Variants in RGS6 observed in about 807,000 individuals in gnomAD.
RGS6 encodes regulator of G-protein signaling 6.
Under a neutral mutation model 78.5 loss-of-function variants are expected in RGS6, and 30 were observed. That is an observed-to-expected ratio of 0.38 (90% CI 0.29 to 0.52). The LOEUF is 0.52. Ranked by LOEUF, RGS6 falls within the 20% of genes least tolerant of loss-of-function variation. RGS6 has a pLI of 0.85. For missense variants in RGS6, 495 were observed against 609.7 expected, an observed-to-expected ratio of 0.81 and a Z score of 1.98; for synonymous variants, 206 against 206.0, an observed-to-expected ratio of 1.00 and a Z score of 0.00.
At chr14:71,899,502 C>T in the RGS6 span, among the ~76,000 whole-genome samples, 2 of 152,212 alleles carry the variant, frequency 1.3e-5, no homozygotes, top group African/African-American at 4.8e-5. Context: ...GTACGGTACA[C>T]TCAACCCCTC....
intron 12 of RGS6, among the ~76,000 whole-genome samples, chr14:72,482,411 A>G (rs2096399840): frequency 6.6e-6 from 1 of 152,206 alleles, no homozygotes; most frequent in South Asian, 2.1e-4. Flanking sequence ...AATCTGTAGC[A>G]TACCATGTGT....
At chr14:71,947,125 C>A (rs528559004) in intron 1 of RGS6, among the ~76,000 whole-genome samples, 2 of 152,266 alleles carry the variant, frequency 1.3e-5, no homozygotes, top group Middle Eastern at 3.4e-3. Context: ...TTCTTATGCA[C>A]AAGGGCACTC....
chr14:72,095,521 C>G (rs142757674), intron 2 of RGS6, among the ~76,000 whole-genome samples: 567 of 152,316 alleles, frequency 3.7e-3, no homozygotes, highest in Non-Finnish European at 6.8e-3. Context: ...TCGGAACTCC[C>G]CAGTGGACTT....
the RGS6 span, among the ~76,000 whole-genome samples, chr14:72,597,481 C>A: frequency 6.6e-6 from 1 of 152,194 alleles, no homozygotes; most frequent in Non-Finnish European, 1.5e-5. Flanking sequence ...GTTTCTCCTA[C>A]GTGTCCCTGA....
intron 2 of RGS6, among the ~76,000 whole-genome samples, chr14:72,327,701 G>T (rs1010448562): frequency 7.2e-5 from 11 of 152,130 alleles, no homozygotes; most frequent in African/African-American, 2.7e-4. Flanking sequence ...ATTATGTATT[G>T]GCTGTGGACT....
chr14:72,223,120 G>T (rs942044262), intron 2 of RGS6, among the ~76,000 whole-genome samples: 6 of 152,162 alleles, frequency 3.9e-5, no homozygotes, highest in Non-Finnish European at 5.9e-5. Flanking sequence ...ATTTGTTGAT[G>T]AAATTTTCTC....
chr14:72,494,843 A>G (rs147727401), intron 12 of RGS6, among the ~76,000 whole-genome samples: 27 of 152,298 alleles, frequency 1.8e-4, no homozygotes, highest in Non-Finnish European at 3.5e-4. Context: ...TGACCAGTGT[A>G]TTAGTATCAG....
chr14:71,974,145 C>T (rs1595480039), intron 2 of RGS6, among the ~76,000 whole-genome samples: 1 of 151,950 alleles, frequency 6.6e-6, no homozygotes, highest in Admixed American at 6.6e-5. Context: ...AGTATTCTTA[C>T]ACTGTGGAGA....
At chr14:72,098,053 A>G (rs1249268164) in intron 2 of RGS6, among the ~76,000 whole-genome samples, 2 of 152,106 alleles carry the variant, frequency 1.3e-5, no homozygotes, top group African/African-American at 4.8e-5. Context: ...AACAAACTGG[A>G]CCATATAAGC....
chr14:72,021,708 G>A (rs1020945402), intron 2 of RGS6, among the ~76,000 whole-genome samples: 6 of 151,990 alleles, frequency 3.9e-5, no homozygotes, highest in Admixed American at 3.3e-4. Flanking sequence ...CTGACCTCAG[G>A]TGAGCCACCC....
chr14:71,925,648 A>G, the RGS6 span, among the ~76,000 whole-genome samples: 1 of 146,466 alleles, frequency 6.8e-6, no homozygotes, highest in South Asian at 2.1e-4. Flanking sequence ...AGTACCATTT[A>G]TTTAAGAGAC....
chr14:72,303,662 A>G lies in RGS6; in HGVS notation c.85-48433A>G, dbSNP rs551491801. Among the ~76,000 whole-genome samples, 38 of 152,322 alleles carry G rather than the reference A, an allele frequency of 2.5e-4. 1 individual carries two copies. Among genetic ancestry groups the G allele is most frequent in the Non-Finnish European group, 4.7e-4 (32 of 68,024 alleles). Reference sequence around the variant, plus strand: ...TGATACAAAACATTTCACAGCAGAAATGGACTCTTTTTTACCCCATCCTCA... The same window carrying G: ...TGATACAAAACATTTCACAGCAGAAGTGGACTCTTTTTTACCCCATCCTCA... On this transcript the variant is annotated intron_variant, in intron 2 of 17. Coordinates refer to ENST00000553525, the MANE Select transcript of RGS6 (RefSeq NM_001204424.2).
chr14:72,047,905 T>A (rs1017590313), intron 2 of RGS6, among the ~76,000 whole-genome samples: 1 of 147,468 alleles, frequency 6.8e-6, no homozygotes, highest in Non-Finnish European at 1.5e-5. Context: ...TTTGTTTTTT[T>A]TTTTTTTTTT....
the RGS6 span, among the ~76,000 whole-genome samples, chr14:71,879,091 G>A: frequency 3.3e-5 from 5 of 151,912 alleles, no homozygotes; most frequent in South Asian, 2.1e-4. Context: ...TGCTGATCCC[G>A]ATGTTTACAA....
the RGS6 span, among the ~76,000 whole-genome samples, chr14:71,902,780 C>A: frequency 6.6e-6 from 1 of 151,920 alleles, no homozygotes; most frequent in East Asian, 1.9e-4. Context: ...GATCCTTCAC[C>A]GAGACTAAAT....
At chr14:72,433,947 T>C (rs1433823748) in intron 3 of RGS6, among the ~76,000 whole-genome samples, 1 of 152,272 alleles carries the variant, frequency 6.6e-6, no homozygotes, top group Non-Finnish European at 1.5e-5. Flanking sequence ...TGTTTGCTGA[T>C]GTTGTGTTCC....
intron 2 of RGS6, among the ~76,000 whole-genome samples, chr14:72,093,569 A>G (rs1380300405): frequency 6.6e-6 from 1 of 152,138 alleles, no homozygotes; most frequent in Non-Finnish European, 1.5e-5. Flanking sequence ...AAAACAATAT[A>G]AGTATTATAA....
At chr14:71,972,311 A>T (rs2093859846) in intron 2 of RGS6, among the ~76,000 whole-genome samples, 1 of 151,056 alleles carries the variant, frequency 6.6e-6, no homozygotes, top group Non-Finnish European at 1.5e-5. Context: ...TCTACCACAC[A>T]GCTCTACTTC....
chr14:72,626,113 C>T, the RGS6 span, among the ~76,000 whole-genome samples: 3 of 152,026 alleles, frequency 2.0e-5, no homozygotes, highest in Non-Finnish European at 4.4e-5. Flanking sequence ...TTATTTGTTA[C>T]TGTTTTTATT....
Sources: gnomAD v4.1 joint callset for allele counts (sites outside exome capture counted in the v4.1 genomes callset) on GRCh38, gnomAD v4.1.1 for gene constraint, MANE v1.5 for transcripts, NCBI Gene and HGNC (gene_info 2026-07-23, HGNC 2026-07-21) for gene names.